Variants in CYP2E1 observed in about 807,000 individuals in gnomAD.
The protein encoded by CYP2E1 is cytochrome P450 2E1.
A neutral mutation model predicts 42.9 loss-of-function variants in CYP2E1; 31 were observed. The ratio of observed to expected loss-of-function variants is 0.72; its 90% confidence interval spans 0.54 to 0.98. The LOEUF (loss-of-function observed/expected upper bound fraction) is 0.98, where lower values mean the gene tolerates loss of function less well. Ranked by LOEUF, CYP2E1 falls within the 50% of genes least tolerant of loss-of-function variation. The probability of loss-of-function intolerance (pLI) is 0.00; values close to 1 mark genes in which losing one functional copy is unlikely to be tolerated. For missense variants in CYP2E1, 565 were observed against 633.2 expected, an observed-to-expected ratio of 0.89 and a Z score of 1.16; for synonymous variants, 244 against 248.9, an observed-to-expected ratio of 0.98 and a Z score of 0.19.
chr10:133,528,738 A>C (rs1851302748), intron 2 of CYP2E1, 98 bp downstream of exon 2: 38 of 1,379,388 alleles, frequency 2.8e-5, no homozygotes, highest in Non-Finnish European at 3.6e-5. Flanking sequence ...TAATAAACTA[A>C]CAGTAATATT....
chr10:133,538,022 A>G (rs1851426494), intron 8 of CYP2E1, 130 bp downstream of exon 8: 9 of 835,548 alleles, frequency 1.1e-5, no homozygotes, highest in African/African-American at 1.7e-5. Context: ...CCCTGTTTCT[A>G]TTGACAACAT....
rs1455249917 is a variant in CYP2E1 at position 133,536,517 on chromosome 10, GTGGATGGTTGGATGTATAGA to G, written c.968-542_968-523del. ...GATGGATGGAAGGGTGGGTGGATGG[GTGGATGGTTGGATGTATAGA>G]TGGGTGGATGGGTGGATGCTTGGAT... On this transcript the variant is annotated intron_variant, in intron 6 of 8. Coordinates refer to ENST00000252945, the MANE Select transcript of CYP2E1 (RefSeq NM_000773.4). Among the ~76,000 whole-genome samples, 4 of 97,108 alleles carry G rather than the reference GTGGATGGTTGGATGTATAGA, an allele frequency of 4.1e-5. No homozygotes were observed. In the East Asian group the frequency reaches 9.7e-4, roughly 23 times the overall value. 63.7% of individuals were successfully genotyped at this position (97,108 alleles called of 152,430 possible).
At position 133,537,088 on chromosome 10, in the gene CYP2E1, G is replaced by C. The variant is rs376820271; in HGVS notation, c.993G>C (p.Arg331Ser). Residue 331 changes from arginine (R) to serine (S), a missense_variant, in exon 7 of 9, where the codon AGG becomes AGC. Transcript: ENST00000252945. ...AGAAGCTCCATGAAGAAATTGACAGGGTGATTGGGCCAAGCCGAATCCCTG... is the reference window on the plus strand; with the variant it reads ...AGAAGCTCCATGAAGAAATTGACAGCGTGATTGGGCCAAGCCGAATCCCTG... The part of the protein sequence containing the change: ...IEEKLHEEID[R>S]VIGPSRIPAI... 6.2e-7 allele frequency: 1 copy of C among 1,613,664 alleles called. No homozygotes were observed. Among genetic ancestry groups the C allele is most frequent in the African/African-American group, 1.3e-5 (1 of 74,888 alleles).
In CYP2E1 at chr10:133,537,876, C is replaced by G. The variant is rs1652002334; in HGVS notation, c.1281C>G (p.Phe427Leu). 1.2e-6 allele frequency: 2 copies of G among 1,613,638 alleles called. No homozygotes were observed. Among genetic ancestry groups the G allele is most frequent in the African/African-American group, 2.7e-5 (2 of 74,898 alleles). Residue 427 changes from phenylalanine (F) to leucine (L), a missense_variant, in exon 8 of 9, where the codon TTC becomes TTG. Transcript: ENST00000252945. ...ENGKFKYSDY[F>L]KPFSTGKRVC... ...GAAAGTTCAAGTACAGTGACTATTT[C>G]AAGCCATTTTCCACAGGTGAGAAAG...
chr10:133,537,363 T>G, intron 7 of CYP2E1, 113 bp downstream of exon 7: 1 of 1,102,888 alleles, frequency 9.1e-7, no homozygotes, highest in Admixed American at 2.3e-5. Context: ...CAGGGGTCAC[T>G]GAGGGGAAGG....
intron 8 of CYP2E1, among the ~76,000 whole-genome samples, chr10:133,538,486 G>T (rs1480374179): frequency 2.0e-5 from 3 of 152,190 alleles, no homozygotes; most frequent in African/African-American, 7.2e-5. Flanking sequence ...AGCACTGGGG[G>T]TGCCTTCTTT....
At chr10:133,535,981 G>A (rs939879468) in intron 6 of CYP2E1, among the ~76,000 whole-genome samples, 1 of 152,148 alleles carries the variant, frequency 6.6e-6, no homozygotes, top group Non-Finnish European at 1.5e-5. Flanking sequence ...CAAACACGGG[G>A]AGGCTAGGCG....
Position 133,537,153 on chromosome 10 carries a change from T to C in CYP2E1, c.1058T>C (p.Val353Ala). 6.2e-7 allele frequency: 1 copy of C among 1,614,128 alleles called. No homozygotes were observed. Among genetic ancestry groups the C allele is most frequent in the South Asian group, 1.1e-5 (1 of 91,076 alleles). ...DRQEMPYMDA[V>A]VHEIQRFITL... Reference sequence around the variant, plus strand: ...CAAGAGATGCCCTACATGGATGCTGTGGTGCATGAGATTCAGCGGTTCATC... The same window carrying C: ...CAAGAGATGCCCTACATGGATGCTGCGGTGCATGAGATTCAGCGGTTCATC... Residue 353 changes from valine (V) to alanine (A), a missense_variant, in exon 7 of 9, where the codon GTG becomes GCG. Coordinates refer to ENST00000252945, the MANE Select transcript of CYP2E1 (RefSeq NM_000773.4).
chr10:133,531,164 A>C (rs769322143), intron 2 of CYP2E1, among the ~76,000 whole-genome samples: 25 of 152,228 alleles, frequency 1.6e-4, no homozygotes, highest in Non-Finnish European at 2.6e-4. Flanking sequence ...AGGGTTAAAA[A>C]TCTGTGAGAA....
chr10:133,532,604 A>G, intron 4 of CYP2E1, 88 bp from the exon 5 acceptor site: 2 of 1,203,486 alleles, frequency 1.7e-6, no homozygotes, highest in Non-Finnish European at 2.3e-6. Flanking sequence ...ACAGCCACAA[A>G]TTCAGGTTTG....
chr10:133,537,299 T>G (rs768268812), intron 7 of CYP2E1, 49 bp downstream of exon 7: 1 of 1,575,184 alleles, frequency 6.3e-7, no homozygotes, highest in Non-Finnish European at 8.7e-7. Flanking sequence ...TCCTATCAGC[T>G]AATCGCCTTC....
In CYP2E1 at chr10:133,537,796, C is replaced by A; in HGVS notation, c.1201C>A (p.Gln401Lys). ...TCTGGACTCTGTTTTGTATGACAAC[C>A]AAGAATTTCCTGATCCAGAAAAGTT... is the stretch of plus-strand genomic sequence containing the variant. ...PTLDSVLYDN[Q>K]EFPDPEKFKP... is the part of the protein sequence containing the mutation. Residue 401 changes from glutamine to lysine, a missense_variant, in exon 8 of 9, where the codon CAA (glutamine) becomes AAA (lysine). By Grantham distance (53) the Gln-to-Lys change is moderately conservative. Coordinates refer to ENST00000252945, the MANE Select transcript of CYP2E1 (RefSeq NM_000773.4). 1 of 1,613,764 alleles carries A rather than the reference C, an allele frequency of 6.2e-7. No individual in the cohort carries two copies. The highest frequency in any genetic ancestry group is 8.5e-7 in the Non-Finnish European group (1 of 1,179,750).
intron 2 of CYP2E1, among the ~76,000 whole-genome samples, chr10:133,528,859 T>G (rs1851304905): frequency 6.6e-6 from 1 of 152,212 alleles, no homozygotes; most frequent in Non-Finnish European, 1.5e-5. Context: ...TCGGCGACTG[T>G]GCGGGAGAGT....
intron 6 of CYP2E1, among the ~76,000 whole-genome samples, chr10:133,534,598 G>C (rs761957694): frequency 3.3e-5 from 5 of 152,150 alleles, no homozygotes; most frequent in East Asian, 1.9e-4. Flanking sequence ...GGAGAGTGCC[G>C]GGGGGCCCAG....
rs1851282784 is a variant in CYP2E1 at position 133,527,369 on chromosome 10, G to A, written c.-27G>A. 1.3e-6 allele frequency: 2 copies of A among 1,583,872 alleles called. No homozygotes were observed. The highest frequency in any genetic ancestry group is 1.7e-6 in the Non-Finnish European group (2 of 1,162,434). On this transcript the variant is annotated 5_prime_UTR_variant, in exon 1 of 9. Coordinates refer to ENST00000252945, the MANE Select transcript of CYP2E1 (RefSeq NM_000773.4). Reference sequence around the variant, plus strand: ...TCCGTTTCCACAGGATTGTCTCCCGGGCTGGCAGCAGGGCCCCAGCGGCAC... The same window carrying A: ...TCCGTTTCCACAGGATTGTCTCCCGAGCTGGCAGCAGGGCCCCAGCGGCAC...
At chr10:133,535,428 G>A (rs1851384640) in intron 6 of CYP2E1, among the ~76,000 whole-genome samples, 2 of 152,174 alleles carry the variant, frequency 1.3e-5, no homozygotes, top group African/African-American at 2.4e-5. Flanking sequence ...GCCTCCCAAA[G>A]TGCTGGGGTT....
intron 6 of CYP2E1, among the ~76,000 whole-genome samples, chr10:133,536,297 T>C (rs1329149): frequency 0.74 from 111,831 of 151,794 alleles, 44,700 homozygotes; most frequent in Non-Finnish European, 0.89. Context: ...TTTGGAGCAT[T>C]TTCCAGTAAT....
At chr10:133,534,793 C>T (rs915213546) in intron 6 of CYP2E1, among the ~76,000 whole-genome samples, 1 of 152,082 alleles carries the variant, frequency 6.6e-6, no homozygotes, top group Non-Finnish European at 1.5e-5. Context: ...CCAAGAAAGT[C>T]GACATGTGAT....
At position 133,528,467 on chromosome 10, in the gene CYP2E1, A is replaced by C. The variant is rs1851298199; in HGVS notation, c.178-14A>C. 6.2e-7 allele frequency: 1 copy of C among 1,611,554 alleles called. No individual in the cohort carries two copies. Among genetic ancestry groups the C allele is most frequent in the Non-Finnish European group, 8.5e-7 (1 of 1,179,094 alleles). On this transcript the variant is annotated splice_polypyrimidine_tract_variant and intron_variant, in intron 1 of 8. Transcript: ENST00000252945. ...CGCGCGGCGGGCCTGACTTCTAGCCACGGGTCTCCGCAGTTGGCCCAGCGC... is the reference window on the plus strand; with the variant it reads ...CGCGCGGCGGGCCTGACTTCTAGCCCCGGGTCTCCGCAGTTGGCCCAGCGC...
Sources: allele counts gnomAD v4.1 joint callset (sites outside exome capture counted in the v4.1 genomes callset), GRCh38; gene constraint gnomAD v4.1.1; transcripts MANE v1.5; gene names NCBI Gene and HGNC (gene_info 2026-07-23, HGNC 2026-07-21).